DNAJB4: variants seen among roughly 807,000 people sequenced by gnomAD.
DNAJB4 encodes DnaJ heat shock protein family (Hsp40) member B4.
Under a neutral mutation model 26.6 loss-of-function variants are expected in DNAJB4, and 10 were observed. The observed-to-expected ratio is 0.38, with a 90% CI of 0.23 to 0.64. The LOEUF is 0.64. Ranked by LOEUF, DNAJB4 falls within the 30% of genes least tolerant of loss-of-function variation. The pLI is 0.58. For missense variants in DNAJB4, 328 were observed against 408.2 expected (o/e 0.80, Z 1.69); for synonymous variants, 136 against 134.8 (o/e 1.01, Z -0.06).
At chr1:77,979,246 C>A (rs1165635288), upstream of DNAJB4, 9 of 475,946 alleles carry the variant, frequency 1.9e-5, no homozygotes, top group Non-Finnish European at 3.4e-5. Context: ...TTTAAGACTT[C>A]GCGAGAACAG....
chr1:78,004,765 C>T (rs960273819), upstream of DNAJB4: 6 of 215,038 alleles, frequency 2.8e-5, no homozygotes, highest in Non-Finnish European at 5.6e-5. Flanking sequence ...AATAGTTAAT[C>T]GTGGAGGAGG....
intron 1 of DNAJB4, among the ~76,000 whole-genome samples, chr1:77,992,179 C>T (rs1571428020): frequency 6.6e-6 from 1 of 151,730 alleles, no homozygotes; most frequent in Non-Finnish European, 1.5e-5. Flanking sequence ...TTTGGGAGGC[C>T]GAGGCGGGCG....
chr1:78,004,007 A>G (rs572181293), upstream of DNAJB4, among the ~76,000 whole-genome samples: 30 of 152,334 alleles, frequency 2.0e-4, no homozygotes, highest in Non-Finnish European at 3.2e-4. Flanking sequence ...TGTTTTTGAA[A>G]GAAAAAATAT....
intron 1 of DNAJB4, among the ~76,000 whole-genome samples, chr1:77,983,262 G>A (rs1022244876): frequency 1.3e-5 from 2 of 152,302 alleles, no homozygotes; most frequent in South Asian, 4.1e-4. Flanking sequence ...GCCCTAAGGC[G>A]GTTTTTCCCT....
intron 1 of DNAJB4, among the ~76,000 whole-genome samples, chr1:78,009,779 C>A (rs1660420716): frequency 6.6e-6 from 1 of 152,140 alleles, no homozygotes; most frequent in African/African-American, 2.4e-5. Flanking sequence ...GCGTGCGCCA[C>A]CACGCCTGGC....
intron 1 of DNAJB4, among the ~76,000 whole-genome samples, chr1:77,993,950 T>C (rs1435124908): frequency 2.0e-5 from 3 of 152,212 alleles, no homozygotes; most frequent in Non-Finnish European, 1.5e-5. Flanking sequence ...CGGGCTTATT[T>C]ATATAAATGT....
chr1:78,009,594 A>G (rs985100366), intron 1 of DNAJB4, among the ~76,000 whole-genome samples: 1 of 152,350 alleles, frequency 6.6e-6, no homozygotes, highest in Middle Eastern at 3.4e-3. Flanking sequence ...AATGTACATG[A>G]TTAAGAACTG....
upstream of DNAJB4, among the ~76,000 whole-genome samples, chr1:78,001,435 T>C (rs1027561269): frequency 6.6e-6 from 1 of 152,140 alleles, no homozygotes; most frequent in Non-Finnish European, 1.5e-5. Flanking sequence ...TGGTAAAATA[T>C]GAGAAGTCAT....
At chr1:77,986,457 C>T (rs374433867) in intron 1 of DNAJB4, among the ~76,000 whole-genome samples, 1 of 152,224 alleles carries the variant, frequency 6.6e-6, no homozygotes, top group South Asian at 2.1e-4. Flanking sequence ...CCTCTAGTCT[C>T]TTGACACTTC....
upstream of DNAJB4, among the ~76,000 whole-genome samples, chr1:78,004,171 G>C (rs1660260484): frequency 6.6e-6 from 1 of 152,148 alleles, no homozygotes; most frequent in Non-Finnish European, 1.5e-5. Context: ...TAGGGATCCT[G>C]TGGGGCGGCT....
At chr1:77,983,847 T>G (rs921086404) in intron 1 of DNAJB4, among the ~76,000 whole-genome samples, 1 of 152,208 alleles carries the variant, frequency 6.6e-6, no homozygotes, top group Non-Finnish European at 1.5e-5. Flanking sequence ...AGGTTAATCC[T>G]AAAGTGCAGA....
upstream of DNAJB4, among the ~76,000 whole-genome samples, chr1:78,001,811 A>G (rs1027509079): frequency 3.9e-5 from 6 of 152,210 alleles, no homozygotes; most frequent in African/African-American, 1.4e-4. Flanking sequence ...TACAGGCATG[A>G]GCCACCTCAC....
At chr1:78,003,627 A>T (rs1189688703), upstream of DNAJB4, among the ~76,000 whole-genome samples, 1 of 152,140 alleles carries the variant, frequency 6.6e-6, no homozygotes, top group Non-Finnish European at 1.5e-5. Flanking sequence ...ACTGTGTGCA[A>T]TTCTTCTGAC....
At chr1:77,988,003 C>T (rs1475779568) in intron 1 of DNAJB4, among the ~76,000 whole-genome samples, 1 of 146,166 alleles carries the variant, frequency 6.8e-6, no homozygotes, top group African/African-American at 2.5e-5. Context: ...TATATGCATA[C>T]ATTATATATA....
intron 2 of DNAJB4, among the ~76,000 whole-genome samples, chr1:78,014,377 G>A (rs1660578029): frequency 6.6e-6 from 1 of 151,994 alleles, no homozygotes; most frequent in South Asian, 2.1e-4. Flanking sequence ...CAAAGTGCTA[G>A]GATTACAGGC....
intron 2 of DNAJB4, among the ~76,000 whole-genome samples, chr1:78,013,946 A>G (rs1378709153): frequency 6.6e-6 from 1 of 152,092 alleles, no homozygotes; most frequent in African/African-American, 2.4e-5. Flanking sequence ...ATTTGTTAAT[A>G]TGGAGTAATA....
chr1:78,005,433 A>AC, intron 1 of DNAJB4, 112 bp downstream of exon 1: 1 of 908,548 alleles, frequency 1.1e-6, no homozygotes. Flanking sequence ...GTTATCCTTA[A>AC]ATTGGATTCT....
At chr1:78,007,196 T>C (rs1293631162) in intron 1 of DNAJB4, among the ~76,000 whole-genome samples, 3 of 152,050 alleles carry the variant, frequency 2.0e-5, no homozygotes, top group African/African-American at 7.2e-5. Context: ...ATATAAGTGA[T>C]AGAAGGAAAG....
At chr1:78,011,628 G>A (rs556882746) in intron 1 of DNAJB4, among the ~76,000 whole-genome samples, 1 of 151,838 alleles carries the variant, frequency 6.6e-6, no homozygotes, top group South Asian at 2.1e-4. Flanking sequence ...GGGATTATAG[G>A]CATGTGCCAC....
Sources: gnomAD v4.1 joint callset for allele counts (sites outside exome capture counted in the v4.1 genomes callset) on GRCh38, gnomAD v4.1.1 for gene constraint, MANE v1.5 for transcripts, NCBI Gene and HGNC (gene_info 2026-07-23, HGNC 2026-07-21) for gene names.